Variants in ITIH2 observed in about 807,000 individuals in gnomAD.
ITIH2 encodes the protein inter-alpha-trypsin inhibitor heavy chain H2.
In ITIH2, 103 loss-of-function variants were observed where a neutral mutation model predicts 104.4. That is an observed-to-expected ratio of 0.99 (90% CI 0.84 to 1.16). The LOEUF (loss-of-function observed/expected upper bound fraction) is 1.16, where lower values mean the gene tolerates loss of function less well. Ranked by LOEUF, ITIH2 falls within the 50% of genes most tolerant of loss-of-function variation. The pLI is 0.00. For synonymous variants in ITIH2, 436 were observed against 435.4 expected (o/e 1.00, Z -0.02); for missense variants, 1,108 against 1,162.4 (o/e 0.95, Z 0.68).
In ITIH2 at chr10:7,731,933, G is replaced by A; in HGVS notation, c.1584G>A (p.Val528=). Residue 528 remains valine (V), a synonymous_variant, in exon 13 of 21, where the codon GTG becomes GTA. Coordinates refer to ENST00000358415, the MANE Select transcript of ITIH2 (RefSeq NM_002216.3). ...ACTACTTTGGAGGCTCAGAGATTGT[G>A]GTGGCAGGAAAATTTGACCCTGCTA... is the stretch of plus-strand genomic sequence containing the variant. ...FHNYFGGSEI[V]VAGKFDPAKL... 1 of 1,613,982 alleles carries A rather than the reference G, an allele frequency of 6.2e-7. No individual in the cohort carries two copies. The highest frequency in any genetic ancestry group is 8.5e-7 in the Non-Finnish European group (1 of 1,179,936).
intron 15 of ITIH2, among the ~76,000 whole-genome samples, chr10:7,738,272 A>AATATTATATATTATATTCTAT (rs1286013285): frequency 3.3e-5 from 4 of 120,198 alleles, no homozygotes; most frequent in Non-Finnish European, 6.9e-5. Context: ...TATTCTATAT[A>AATATTATATATTATATTCTAT]ATATTATATA....
intron 20 of ITIH2, among the ~76,000 whole-genome samples, chr10:7,747,365 GAC>G (rs1343807748): frequency 6.6e-6 from 1 of 152,156 alleles, no homozygotes; most frequent in African/African-American, 2.4e-5. Context: ...CATTGGCTTT[GAC>G]ATACTTAATT....
At chr10:7,723,425 A>T (rs746588444) in intron 8 of ITIH2, 26 bp from the exon 9 acceptor site, 2 of 1,383,822 alleles carry the variant, frequency 1.4e-6, no homozygotes, top group African/African-American at 1.4e-5. Context: ...TCATGATTTG[A>T]CTCACAAATA....
intron 15 of ITIH2, among the ~76,000 whole-genome samples, chr10:7,737,131 G>A: frequency 6.6e-6 from 1 of 151,494 alleles, no homozygotes; most frequent in Non-Finnish European, 1.5e-5. Context: ...CTCTGGGGGA[G>A]GGGAGTAGAC....
Position 7,744,103 on chromosome 10 carries a change from T to G in ITIH2, c.2231T>G (p.Leu744Arg). ...GTAGGAATTGTAGTCAACGGTCAGC[T>G]TGTTGGTGCCAAGAAGCCCAACAAT... ...PESGIVVNGQ[L>R]VGAKKPNNGK... is the part of the protein sequence containing the mutation. Residue 744 changes from leucine (L) to arginine (R), a missense_variant, in exon 18 of 21, where the codon CTT becomes CGT. By Grantham distance (102) the Leu-to-Arg change is moderately radical (BLOSUM62 -2). Transcript: ENST00000358415. The G allele has an allele frequency of 6.2e-7, 1 of 1,614,110 alleles. No individual in the cohort carries two copies. Among genetic ancestry groups the G allele is most frequent in the Non-Finnish European group, 8.5e-7 (1 of 1,179,978 alleles).
At position 7,738,608 on chromosome 10, in the gene ITIH2, T is replaced by G. The variant is rs551896394; in HGVS notation, c.1958-13T>G. On this transcript the variant is annotated splice_polypyrimidine_tract_variant and intron_variant, in intron 15 of 20. Transcript: ENST00000358415. ...AAATCTAGAAACTAACAGATGCAGG[T>G]TTGTCTACGCAGGGGCCCTGTATTA... 1 of 1,612,000 alleles carries G rather than the reference T, an allele frequency of 6.2e-7. No homozygotes were observed. The highest frequency in any genetic ancestry group is 1.3e-5 in the African/African-American group (1 of 74,692).
chr10:7,745,220 T>A (rs186722104), intron 19 of ITIH2, among the ~76,000 whole-genome samples: 1 of 152,176 alleles, frequency 6.6e-6, no homozygotes, highest in Non-Finnish European at 1.5e-5. Flanking sequence ...TTAAGTTTTA[T>A]GTTAAAGATT....
intron 14 of ITIH2, among the ~76,000 whole-genome samples, chr10:7,732,930 T>C (rs1588458221): frequency 6.6e-6 from 1 of 152,156 alleles, no homozygotes; most frequent in East Asian, 1.9e-4. Flanking sequence ...GGTTTCACCA[T>C]GTTAGCCAGG....
chr10:7,729,865 C>T (rs1218844283), intron 11 of ITIH2, 87 bp from the exon 12 acceptor site: 2 of 859,772 alleles, frequency 2.3e-6, no homozygotes, highest in East Asian at 2.7e-5. Context: ...TCTGGACACA[C>T]TTTACTAAAC....
chr10:7,708,917 G>A lies in ITIH2; in HGVS notation c.193-105G>A, dbSNP rs12263809. 7.8e-3 allele frequency: 7,454 copies of A among 960,556 alleles called. 262 individuals are homozygous for A. In the African/African-American group the frequency reaches 0.088, roughly 11 times the overall value. 59.5% of individuals were successfully genotyped at this position (960,556 alleles called of 1,614,324 possible). ...CCAAGGCCCTGGAATTGTTCTGCTA[G>A]TAAAACAAGTAAAATGTAGTGTTGT... On this transcript the variant is annotated intron_variant, in intron 3 of 20. Coordinates refer to ENST00000358415, the MANE Select transcript of ITIH2 (RefSeq NM_002216.3).
Position 7,731,930 on chromosome 10 carries a change from T to C in ITIH2, c.1581T>C (p.Ile527=), listed in dbSNP as rs1012962054. 1.9e-6 allele frequency: 3 copies of C among 1,614,066 alleles called. No individual in the cohort carries two copies. The highest frequency in any genetic ancestry group is 1.6e-4 in the Middle Eastern group (1 of 6,062). ...NFHNYFGGSE[I]VVAGKFDPAK... is the part of the protein sequence containing the mutation. ...ATAACTACTTTGGAGGCTCAGAGAT[T>C]GTGGTGGCAGGAAAATTTGACCCTG... The change falls in exon 13 of 21, where the codon ATT becomes ATC. Residue 527 remains isoleucine, a synonymous_variant. Transcript: ENST00000358415.
intron 4 of ITIH2, among the ~76,000 whole-genome samples, chr10:7,710,992 C>T (rs914804909): frequency 6.7e-6 from 1 of 149,838 alleles, no homozygotes; most frequent in African/African-American, 2.4e-5. Flanking sequence ...TACATAGGTA[C>T]ACATGTGCCA....
intron 14 of ITIH2, 94 bp from the exon 15 acceptor site, chr10:7,734,828 C>A: frequency 1.8e-6 from 2 of 1,117,182 alleles, no homozygotes; most frequent in Non-Finnish European, 2.6e-6. Flanking sequence ...CCAGGTTGGA[C>A]CCCAGCAGTG....
At chr10:7,720,495 A>G (rs1834891779) in intron 6 of ITIH2, among the ~76,000 whole-genome samples, 1 of 152,232 alleles carries the variant, frequency 6.6e-6, no homozygotes, top group Non-Finnish European at 1.5e-5. Flanking sequence ...TGACAGGTCT[A>G]CAGAGTAGAT....
At position 7,749,459 on chromosome 10, in the gene ITIH2, G is replaced by A. The variant is rs1835216747; in HGVS notation, c.*125G>A. 1.3e-6 allele frequency: 1 copy of A among 758,960 alleles called. No individual in the cohort carries two copies. The highest frequency in any genetic ancestry group is 2.1e-5 in the South Asian group (1 of 48,468). 47.0% of individuals were successfully genotyped at this position (758,960 alleles called of 1,614,324 possible). A position where few individuals can be genotyped will look rare whatever the true frequency, so the allele number is the denominator to read the frequency against. ...CAGGGTGGTTAATTAAAATGAACCA[G>A]ATATCAGGGTGGTTTATAAAGCCTG... is the stretch of plus-strand genomic sequence containing the variant. On this transcript the variant is annotated 3_prime_UTR_variant, in exon 21 of 21. Coordinates refer to ENST00000358415, the MANE Select transcript of ITIH2 (RefSeq NM_002216.3).
At chr10:7,732,053 T>G in intron 13 of ITIH2, 57 bp downstream of exon 13, 3 of 1,340,784 alleles carry the variant, frequency 2.2e-6, no homozygotes, top group Non-Finnish European at 3.2e-6. Flanking sequence ...ATACAGTCCC[T>G]CTTGAATGTC....
At chr10:7,748,247 C>T (rs958566031) in intron 20 of ITIH2, among the ~76,000 whole-genome samples, 1 of 143,046 alleles carries the variant, frequency 7.0e-6, no homozygotes, top group Non-Finnish European at 1.5e-5. Context: ...TATATGTATA[C>T]ATATATATAT....
chr10:7,742,995 G>A lies in ITIH2; in HGVS notation c.2096-151G>A, dbSNP rs1194862556. 3 of 569,920 alleles carry A rather than the reference G, an allele frequency of 5.3e-6. No individual in the cohort carries two copies. In the African/African-American group the frequency reaches 5.8e-5, roughly 11 times the overall value. The allele number at this position is 569,920 out of a possible 1,614,324, so 35.3% of individuals were successfully genotyped here. On this transcript the variant is annotated intron_variant, in intron 16 of 20. Transcript: ENST00000358415. Reference sequence around the variant, plus strand: ...AGGGACAATGGAGTATGAACCACTGGGTCCCCAAGACCTGGAGGAGTACCG... The same window carrying A: ...AGGGACAATGGAGTATGAACCACTGAGTCCCCAAGACCTGGAGGAGTACCG...
At chr10:7,727,208 C>T in intron 10 of ITIH2, 90 bp downstream of exon 10, 1 of 1,066,460 alleles carries the variant, frequency 9.4e-7, no homozygotes, top group Non-Finnish European at 1.4e-6. Flanking sequence ...TCACAGTGGT[C>T]TTTCCCCAGC....
Sources: gnomAD v4.1 joint callset for allele counts (sites outside exome capture counted in the v4.1 genomes callset) on GRCh38, gnomAD v4.1.1 for gene constraint, MANE v1.5 for transcripts, NCBI Gene and HGNC (gene_info 2026-07-23, HGNC 2026-07-21) for gene names.